The following FOXP2 variants were observed in gnomAD, a reference collection of about 807,000 sequenced individuals.
The protein encoded by FOXP2 is forkhead box P2.
In FOXP2, 12 loss-of-function variants were observed where a neutral mutation model predicts 115.8. That is an observed-to-expected ratio of 0.10 (90% CI 0.07 to 0.17). The LOEUF (loss-of-function observed/expected upper bound fraction) is 0.17, where lower values mean the gene tolerates loss of function less well. Among genes scored for constraint, FOXP2 ranks in the 10% least tolerant of loss-of-function variants. FOXP2 has a pLI of 1.00. For synonymous variants in FOXP2, 328 were observed against 297.7 expected, an observed-to-expected ratio of 1.10 and a Z score of -1.05; for missense variants, 629 against 843.5, an observed-to-expected ratio of 0.75 and a Z score of 3.15.
At chr7:114,239,763 A>G (rs537350876) in intron 1 of FOXP2, among the ~76,000 whole-genome samples, 1 of 152,320 alleles carries the variant, frequency 6.6e-6, no homozygotes, top group East Asian at 1.9e-4. Flanking sequence ...GAGAAAAAAA[A>G]TCTCTATAAT....
intron 2 of FOXP2, among the ~76,000 whole-genome samples, chr7:114,333,972 A>G (rs369294715): frequency 1.3e-5 from 2 of 152,074 alleles, no homozygotes; most frequent in East Asian, 3.9e-4. Context: ...CATTAAATCA[A>G]TTTTGCATGA....
chr7:114,368,622 G>A (rs1030674760), intron 2 of FOXP2, among the ~76,000 whole-genome samples: 4 of 152,114 alleles, frequency 2.6e-5, no homozygotes, highest in African/African-American at 7.2e-5. Flanking sequence ...CCATAAAGAC[G>A]ACTGAGCAGA....
chr7:114,107,073 C>T (rs1035468786), intron 1 of FOXP2, among the ~76,000 whole-genome samples: 4 of 151,878 alleles, frequency 2.6e-5, no homozygotes, highest in African/African-American at 9.7e-5. Flanking sequence ...ATTTCTATGT[C>T]ATTTGATTTG....
At chr7:114,216,589 C>T (rs1794490720) in intron 1 of FOXP2, among the ~76,000 whole-genome samples, 1 of 152,008 alleles carries the variant, frequency 6.6e-6, no homozygotes, top group Non-Finnish European at 1.5e-5. Flanking sequence ...ATTTTGAACA[C>T]ATTTGCTTTA....
chr7:114,436,061 A>G (rs1014859151), intron 2 of FOXP2, among the ~76,000 whole-genome samples: 1 of 152,160 alleles, frequency 6.6e-6, no homozygotes, highest in Non-Finnish European at 1.5e-5. Context: ...TTAAAAAAGC[A>G]AGGCTTGGGT....
chr7:114,453,183 G>C (rs773009532), intron 2 of FOXP2, among the ~76,000 whole-genome samples: 1 of 152,072 alleles, frequency 6.6e-6, no homozygotes, highest in Admixed American at 6.6e-5. Context: ...AATGATATTG[G>C]AGAACATCTA....
intron 10 of FOXP2, among the ~76,000 whole-genome samples, chr7:114,654,894 G>A (rs1173284434): frequency 1.3e-5 from 2 of 151,996 alleles, no homozygotes; most frequent in Non-Finnish European, 2.9e-5. Flanking sequence ...CGACTATATT[G>A]TCTAATTTTC....
At chr7:114,163,592 A>G (rs977135691) in intron 1 of FOXP2, among the ~76,000 whole-genome samples, 1 of 152,308 alleles carries the variant, frequency 6.6e-6, no homozygotes, top group East Asian at 1.9e-4. Context: ...CTACACAAAT[A>G]TATCAATTTT....
At chr7:114,354,242 T>A (rs117263617) in intron 2 of FOXP2, among the ~76,000 whole-genome samples, 132 of 152,206 alleles carry the variant, frequency 8.7e-4, no homozygotes, top group Non-Finnish European at 1.7e-3. Context: ...CCTTCTGGGT[T>A]AGCAGGCATT....
chr7:114,549,073 T>C (rs1459314102), intron 3 of FOXP2, among the ~76,000 whole-genome samples: 3 of 152,166 alleles, frequency 2.0e-5, no homozygotes, highest in Non-Finnish European at 4.4e-5. Context: ...CCACCTATAC[T>C]GCAAAAATTG....
At chr7:114,329,662 T>G (rs1797648132) in intron 2 of FOXP2, among the ~76,000 whole-genome samples, 1 of 39,970 alleles carries the variant, frequency 2.5e-5, no homozygotes, top group Admixed American at 2.4e-4. Flanking sequence ...ATTTATTTAT[T>G]TATTTATTTA....
At chr7:114,360,167 A>C (rs894749159) in intron 2 of FOXP2, among the ~76,000 whole-genome samples, 1 of 152,156 alleles carries the variant, frequency 6.6e-6, no homozygotes, top group Non-Finnish European at 1.5e-5. Flanking sequence ...TATAAAGGGC[A>C]GTTCCTCTGC....
chr7:114,148,180 G>T (rs1201137741), intron 1 of FOXP2, among the ~76,000 whole-genome samples: 1 of 152,096 alleles, frequency 6.6e-6, no homozygotes, highest in Non-Finnish European at 1.5e-5. Flanking sequence ...GGGGATTGGG[G>T]GAAGAATCTC....
At chr7:114,355,035 ATAAC>A (rs1791585857) in intron 2 of FOXP2, among the ~76,000 whole-genome samples, 1 of 152,216 alleles carries the variant, frequency 6.6e-6, no homozygotes, top group Admixed American at 6.5e-5. Flanking sequence ...TGACATATCT[ATAAC>A]TAATATTCTA....
At chr7:114,583,668 C>A (rs1229761) in intron 3 of FOXP2, among the ~76,000 whole-genome samples, 111,107 of 152,122 alleles carry the variant, frequency 0.73, 41,386 homozygotes, top group East Asian at 0.98. Context: ...GTCTGTTCAC[C>A]GATGATATTT....
chr7:114,393,719 G>C (rs907285375), intron 2 of FOXP2, among the ~76,000 whole-genome samples: 1 of 152,080 alleles, frequency 6.6e-6, no homozygotes, highest in East Asian at 1.9e-4. Flanking sequence ...AGAGAAGAGG[G>C]CATCCACATA....
chr7:114,448,709 A>G (rs1236325631), intron 2 of FOXP2, among the ~76,000 whole-genome samples: 2 of 152,134 alleles, frequency 1.3e-5, no homozygotes, highest in African/African-American at 2.4e-5. Context: ...TGCCATATTC[A>G]TAGTTTGTGA....
chr7:114,226,782 T>G (rs1357851653), intron 1 of FOXP2, among the ~76,000 whole-genome samples: 1 of 152,170 alleles, frequency 6.6e-6, no homozygotes, highest in East Asian at 1.9e-4. Context: ...TTTGTTATTT[T>G]GATAATTTCT....
chr7:114,498,419 G>C (rs1797419152), intron 2 of FOXP2, among the ~76,000 whole-genome samples: 1 of 152,074 alleles, frequency 6.6e-6, no homozygotes, highest in Admixed American at 6.6e-5. Flanking sequence ...TCCTTGTTTA[G>C]AAAGGTAATC....
Sources: gnomAD v4.1 joint callset for allele counts (sites outside exome capture counted in the v4.1 genomes callset) on GRCh38, gnomAD v4.1.1 for gene constraint, MANE v1.5 for transcripts, NCBI Gene and HGNC (gene_info 2026-07-23, HGNC 2026-07-21) for gene names.